Variants in CCDC3 observed in about 807,000 individuals in gnomAD.
The protein encoded by CCDC3 is coiled-coil domain-containing protein 3.
In CCDC3, 24 loss-of-function variants were observed where a neutral mutation model predicts 21.4. The observed-to-expected ratio is 1.12, with a 90% CI of 0.81 to 1.58. The LOEUF is 1.58. CCDC3 is among the 40% of genes most tolerant of loss of function. The pLI is 0.00. For missense variants in CCDC3, 425 were observed against 360.9 expected (o/e 1.18, Z -1.44); for synonymous variants, 186 against 166.0 (o/e 1.12, Z -0.93).
At chr10:12,932,089 T>C (rs934062096) in intron 2 of CCDC3, among the ~76,000 whole-genome samples, 5 of 152,244 alleles carry the variant, frequency 3.3e-5, no homozygotes, top group African/African-American at 1.2e-4. Flanking sequence ...AGTTCTTTAA[T>C]ATCTTTCTTC....
intron 2 of CCDC3, among the ~76,000 whole-genome samples, chr10:12,971,288 C>CTTCTATCCTTTCGGA (rs1835339729): frequency 6.6e-6 from 1 of 152,212 alleles, no homozygotes; most frequent in African/African-American, 2.4e-5. Flanking sequence ...AATGCCTGGG[C>CTTCTATCCTTTCGGA]AGAACATGCA....
upstream of CCDC3, among the ~76,000 whole-genome samples, chr10:13,005,811 T>G (rs1835917495): frequency 6.6e-6 from 1 of 152,238 alleles, no homozygotes; most frequent in South Asian, 2.1e-4. Flanking sequence ...CACTTGAAAC[T>G]GGCAGCCTTA....
At chr10:13,018,880 T>C (rs1836106611) in intron 5 of CCDC3, among the ~76,000 whole-genome samples, 1 of 151,084 alleles carries the variant, frequency 6.6e-6, no homozygotes, top group Admixed American at 6.6e-5. Flanking sequence ...AGGTTTGCAG[T>C]GAGCCGAGAT....
chr10:12,925,577 A>G (rs1358822465), intron 2 of CCDC3, among the ~76,000 whole-genome samples: 2 of 152,234 alleles, frequency 1.3e-5, no homozygotes, highest in African/African-American at 4.8e-5. Context: ...ACAACTGCCT[A>G]TCCCAAAGGT....
chr10:12,988,231 A>G (rs560601474), intron 2 of CCDC3, among the ~76,000 whole-genome samples: 2 of 152,152 alleles, frequency 1.3e-5, no homozygotes, highest in South Asian at 4.2e-4. Context: ...GCCAATTGCA[A>G]TGGCTTCTTG....
intron 2 of CCDC3, among the ~76,000 whole-genome samples, chr10:12,927,463 A>C (rs77621730): frequency 0.053 from 8,018 of 152,294 alleles, 235 homozygotes; most frequent in Non-Finnish European, 0.071. Flanking sequence ...CATCATGATT[A>C]ATATAAGGCC....
intron 3 of CCDC3, among the ~76,000 whole-genome samples, chr10:13,075,748 G>C (rs1361578718): frequency 6.6e-6 from 1 of 152,050 alleles, no homozygotes; most frequent in Non-Finnish European, 1.5e-5. Context: ...TTAATTTTAT[G>C]TATCGATGTG....
intron 2 of CCDC3, among the ~76,000 whole-genome samples, chr10:12,933,826 T>C (rs1437627957): frequency 6.6e-6 from 1 of 152,184 alleles, no homozygotes; most frequent in African/African-American, 2.4e-5. Flanking sequence ...TCATATTTGA[T>C]AGTAAATAAC....
chr10:12,997,386 C>A (rs1835778478), intron 2 of CCDC3, among the ~76,000 whole-genome samples: 1 of 152,198 alleles, frequency 6.6e-6, no homozygotes, highest in South Asian at 2.1e-4. Context: ...CTGGCCTGGC[C>A]CCCACTATCA....
intron 2 of CCDC3, among the ~76,000 whole-genome samples, chr10:12,961,578 G>T (rs540913492): frequency 1.3e-5 from 2 of 152,150 alleles, no homozygotes; most frequent in African/African-American, 2.4e-5. Context: ...CTGGGACCAC[G>T]GCATGAAGCA....
intron 3 of CCDC3, among the ~76,000 whole-genome samples, chr10:13,079,461 T>G (rs1837006484): frequency 6.6e-6 from 1 of 151,942 alleles, no homozygotes; most frequent in African/African-American, 2.4e-5. Flanking sequence ...AATTCCTTAG[T>G]CAGGCAGGAC....
chr10:12,925,526 C>G (rs185829499), intron 2 of CCDC3, among the ~76,000 whole-genome samples: 1 of 152,248 alleles, frequency 6.6e-6, no homozygotes, highest in Non-Finnish European at 1.5e-5. Context: ...TGGCGAGACA[C>G]TCTGACCCTG....
At chr10:13,037,476 G>A (rs964485503) in intron 5 of CCDC3, among the ~76,000 whole-genome samples, 1 of 152,128 alleles carries the variant, frequency 6.6e-6, no homozygotes, top group South Asian at 2.1e-4. Flanking sequence ...ATTGTAGAAG[G>A]TGATCATGTC....
intron 2 of CCDC3, among the ~76,000 whole-genome samples, chr10:12,954,017 C>T (rs1835047228): frequency 1.3e-5 from 2 of 152,160 alleles, no homozygotes; most frequent in Admixed American, 6.5e-5. Flanking sequence ...TATTTACAGC[C>T]ATCAATTTGA....
intron 2 of CCDC3, among the ~76,000 whole-genome samples, chr10:12,976,057 G>A (rs1440690635): frequency 6.6e-6 from 1 of 152,172 alleles, no homozygotes; most frequent in African/African-American, 2.4e-5. Flanking sequence ...ACATTGGAGC[G>A]ATGCCATCTC....
intron 1 of CCDC3, among the ~76,000 whole-genome samples, chr10:12,998,735 A>G (rs143018038): frequency 2.6e-4 from 39 of 152,310 alleles, no homozygotes; most frequent in African/African-American, 9.1e-4. Context: ...GTATGGAGAA[A>G]ACTATGTGTA....
chr10:13,091,432 T>C (rs950316365), intron 3 of CCDC3, among the ~76,000 whole-genome samples: 5 of 152,136 alleles, frequency 3.3e-5, no homozygotes, highest in African/African-American at 9.7e-5. Flanking sequence ...ATGATGTCTA[T>C]GAACCAGGAG....
upstream of CCDC3, among the ~76,000 whole-genome samples, chr10:13,002,815 T>C (rs934661912): frequency 2.0e-5 from 3 of 152,186 alleles, no homozygotes; most frequent in Non-Finnish European, 4.4e-5. Flanking sequence ...AAGATTAAAG[T>C]GCTAGGGTTG....
chr10:12,932,644 C>CT (rs1834665184), intron 2 of CCDC3, among the ~76,000 whole-genome samples: 1 of 152,086 alleles, frequency 6.6e-6, no homozygotes, highest in Non-Finnish European at 1.5e-5. Context: ...ATCTGTATAC[C>CT]TTTGATTTTT....
Sources: gnomAD v4.1 joint callset for allele counts (sites outside exome capture counted in the v4.1 genomes callset) on GRCh38, gnomAD v4.1.1 for gene constraint, MANE v1.5 for transcripts, NCBI Gene and HGNC (gene_info 2026-07-23, HGNC 2026-07-21) for gene names.